YES1: variants seen among roughly 807,000 people sequenced by gnomAD.
YES1 encodes tyrosine-protein kinase Yes.
YES1 carries 39 observed loss-of-function variants against 70.4 expected under a neutral mutation model. The ratio of observed to expected loss-of-function variants is 0.55; its 90% CI spans 0.43 to 0.72. The LOEUF (loss-of-function observed/expected upper bound fraction) is 0.72, where lower values mean the gene tolerates loss of function less well. YES1 is among the 30% of genes least tolerant of loss of function. The pLI is 0.00. For synonymous variants in YES1, 198 were observed against 218.6 expected (o/e 0.91, Z 0.83); for missense variants, 495 against 644.8 (o/e 0.77, Z 2.52).
chr18:746,083 A>C, intron 4 of YES1, 32 bp from the exon 5 acceptor site: 2 of 1,543,556 alleles, frequency 1.3e-6, no homozygotes, highest in Non-Finnish European at 1.8e-6. Context: ...TGAATTGAAA[A>C]GTATGAGGTT....
At chr18:743,914 A>ATAT (rs1555684323) in intron 6 of YES1, among the ~76,000 whole-genome samples, 7 of 145,936 alleles carry the variant, frequency 4.8e-5, no homozygotes, top group African/African-American at 1.3e-4. Flanking sequence ...TCGAAAAAAA[A>ATAT]AAAAATATAT....
chr18:772,221 G>A (rs557682043), intron 1 of YES1, among the ~76,000 whole-genome samples: 1 of 151,682 alleles, frequency 6.6e-6, no homozygotes, highest in Non-Finnish European at 1.5e-5. Flanking sequence ...TACAGACAGC[G>A]TTTCTCCATG....
chr18:783,390 AACACACACACACAC>A (rs34769090), intron 1 of YES1, among the ~76,000 whole-genome samples: 2 of 149,782 alleles, frequency 1.3e-5, no homozygotes, highest in Non-Finnish European at 3.0e-5. Flanking sequence ...ATGTAGGGGA[AACACACACACACAC>A]ACACACACGG....
chr18:743,470 A>G, intron 6 of YES1, 55 bp from the exon 7 acceptor site: 1 of 1,419,004 alleles, frequency 7.0e-7, no homozygotes, highest in Non-Finnish European at 9.6e-7. Flanking sequence ...TAAGGGGCAT[A>G]TAGTGTATCA....
chr18:744,166 G>A (rs2080250668), intron 6 of YES1, among the ~76,000 whole-genome samples: 1 of 151,638 alleles, frequency 6.6e-6, no homozygotes, highest in Non-Finnish European at 1.5e-5. Context: ...ATGAAGCTTT[G>A]AAAACATACG....
intron 2 of YES1, 82 bp downstream of exon 2, chr18:756,475 T>C (rs1396754290): frequency 6.0e-5 from 90 of 1,511,784 alleles, no homozygotes; most frequent in Non-Finnish European, 8.0e-5. Context: ...GATATCTTTC[T>C]TAAAGGCAGA....
intron 11 of YES1, among the ~76,000 whole-genome samples, chr18:726,543 G>A (rs1032258474): frequency 4.6e-5 from 7 of 151,900 alleles, no homozygotes; most frequent in African/African-American, 1.7e-4. Context: ...CACTTTGGGA[G>A]GCTGAGTGGG....
intron 1 of YES1, among the ~76,000 whole-genome samples, chr18:806,929 T>G (rs898642633): frequency 1.1e-4 from 17 of 152,060 alleles, no homozygotes; most frequent in East Asian, 3.9e-4. Context: ...ACAAGATAAG[T>G]CAAAGGAATA....
At chr18:758,380 C>G (rs903771431) in intron 1 of YES1, among the ~76,000 whole-genome samples, 2 of 152,098 alleles carry the variant, frequency 1.3e-5, no homozygotes, top group Non-Finnish European at 2.9e-5. Flanking sequence ...TGGAAACACC[C>G]CTAACGCTCA....
chr18:794,324 T>G (rs994568358), intron 1 of YES1, among the ~76,000 whole-genome samples: 2 of 152,102 alleles, frequency 1.3e-5, no homozygotes, highest in African/African-American at 4.8e-5. Context: ...ATGTACACTA[T>G]ACAAAACCAG....
Position 724,088 on chromosome 18 carries a change from A to C in YES1, c.*336T>G. On this transcript the variant is annotated 3_prime_UTR_variant, in exon 12 of 12. Coordinates refer to ENST00000314574, the MANE Select transcript of YES1 (RefSeq NM_005433.4). ...CTGTAACAATAAATAATTTTCTTTG[A>C]GCAATTCTGACTTTGGGGAAAAAAA... The C allele has an allele frequency of 5.3e-6, 1 of 189,126 alleles. No homozygotes were observed. Among genetic ancestry groups the C allele is most frequent in the South Asian group, 1.5e-4 (1 of 6,886 alleles). 11.7% of individuals were successfully genotyped at this position (189,126 alleles called of 1,614,324 possible). A position where few individuals can be genotyped will look rare whatever the true frequency, so the allele number is the denominator to read the frequency against.
chr18:739,555 G>A, intron 9 of YES1, 180 bp downstream of exon 9: 1 of 435,678 alleles, frequency 2.3e-6, no homozygotes, highest in Non-Finnish European at 4.0e-6. Context: ...CAAGCACGGA[G>A]CTATCAGTGC....
chr18:755,866 A>G (rs1018220705), intron 2 of YES1, among the ~76,000 whole-genome samples: 35 of 152,244 alleles, frequency 2.3e-4, no homozygotes, highest in African/African-American at 8.4e-4. Flanking sequence ...CTGATACGGG[A>G]CCCTTTACAA....
At chr18:757,004 T>C (rs1274574438) in intron 1 of YES1, among the ~76,000 whole-genome samples, 169 bp from the exon 2 acceptor site, 1 of 152,208 alleles carries the variant, frequency 6.6e-6, no homozygotes, top group Non-Finnish European at 1.5e-5. Flanking sequence ...CTCATTTATC[T>C]TTATTACAAT....
intron 1 of YES1, among the ~76,000 whole-genome samples, chr18:776,259 T>C (rs956503892): frequency 6.6e-6 from 1 of 151,642 alleles, no homozygotes; most frequent in African/African-American, 2.4e-5. Context: ...AGTGATGCAA[T>C]CTTGGCTCAC....
At chr18:803,960 T>A (rs766144960) in intron 1 of YES1, among the ~76,000 whole-genome samples, 8 of 152,242 alleles carry the variant, frequency 5.3e-5, no homozygotes, top group Non-Finnish European at 1.2e-4. Flanking sequence ...AAAGACTTCC[T>A]GGAAAAACAG....
chr18:756,598 G>A lies in YES1; in HGVS notation c.230C>T (p.Ser77Leu), dbSNP rs1199294016. The change falls in exon 2 of 12, where the codon TCA becomes TTA. Residue 77 changes from serine (S) to leucine (L), a missense_variant. Ser to Leu is a moderately radical substitution (Grantham distance 145). Transcript: ENST00000314574. ...GVTPFGGASS[S>L]FSVVPSSYPA... ...ATATGAACTTGGCACCACTGAAAATGAGGAAGATGCACCTCCAAAAGGCGT... is the reference window on the plus strand; with the variant it reads ...ATATGAACTTGGCACCACTGAAAATAAGGAAGATGCACCTCCAAAAGGCGT... The A allele has an allele frequency of 1.2e-6, 2 of 1,614,098 alleles. No individual in the cohort carries two copies. The highest frequency in any genetic ancestry group is 1.3e-5 in the African/African-American group (1 of 75,030).
At chr18:732,212 G>C (rs909394773) in intron 11 of YES1, among the ~76,000 whole-genome samples, 1 of 151,924 alleles carries the variant, frequency 6.6e-6, no homozygotes, top group Non-Finnish European at 1.5e-5. Flanking sequence ...GCCTAGGCAG[G>C]TGGATCACCT....
intron 9 of YES1, 28 bp from the exon 10 acceptor site, chr18:736,989 A>C (rs182611238): frequency 6.4e-7 from 1 of 1,571,112 alleles, no homozygotes. Context: ...AAAAAACACA[A>C]GACATACGAT....
Sources: gnomAD v4.1 joint callset for allele counts (sites outside exome capture counted in the v4.1 genomes callset) on GRCh38, gnomAD v4.1.1 for gene constraint, MANE v1.5 for transcripts, NCBI Gene and HGNC (gene_info 2026-07-23, HGNC 2026-07-21) for gene names.